Variants in FRK observed in about 807,000 individuals in gnomAD.
FRK encodes the protein fyn related Src family tyrosine kinase, also known as tyrosine-protein kinase FRK.
FRK carries 51 observed loss-of-function variants against 56.4 expected under a neutral mutation model. The ratio of observed to expected loss-of-function variants is 0.90; its 90% CI spans 0.72 to 1.14. FRK has a LOEUF of 1.14. Among genes scored for constraint, FRK ranks in the 50% most tolerant of loss-of-function variants. The probability of loss-of-function intolerance (pLI) is 0.00; values close to 1 mark genes in which losing one functional copy is unlikely to be tolerated. For missense variants in FRK, 570 were observed against 601.4 expected (o/e 0.95, Z 0.55); for synonymous variants, 245 against 217.9 (o/e 1.12, Z -1.10).
intron 2 of FRK, among the ~76,000 whole-genome samples, chr6:115,977,738 G>A (rs200417359): frequency 1.3e-5 from 2 of 152,102 alleles, no homozygotes; most frequent in East Asian, 3.9e-4. Context: ...TTGTGAGCCT[G>A]AACCATACAT....
chr6:116,081,431 C>T, the FRK span, among the ~76,000 whole-genome samples: 4 of 152,142 alleles, frequency 2.6e-5, no homozygotes, highest in Admixed American at 1.3e-4. Flanking sequence ...CCAAGGTGGG[C>T]GGATCACCTG....
At chr6:116,046,218 T>A (rs1484614542) in intron 1 of FRK, among the ~76,000 whole-genome samples, 3 of 152,164 alleles carry the variant, frequency 2.0e-5, no homozygotes, top group Non-Finnish European at 4.4e-5. Flanking sequence ...TGGAAGACAA[T>A]GTGGTGATTC....
the FRK span, among the ~76,000 whole-genome samples, chr6:116,068,592 A>G: frequency 6.6e-6 from 1 of 152,176 alleles, no homozygotes; most frequent in African/African-American, 2.4e-5. Flanking sequence ...CTTAATATCC[A>G]TAACTGTAGC....
the FRK span, chr6:116,100,716 G>A: frequency 1.7e-5 from 6 of 348,254 alleles, no homozygotes; most frequent in South Asian, 1.0e-4. Flanking sequence ...GACTCCGGGC[G>A]GCGCAGGACG....
At chr6:116,076,746 G>A in the FRK span, among the ~76,000 whole-genome samples, 1 of 152,132 alleles carries the variant, frequency 6.6e-6, no homozygotes, top group African/African-American at 2.4e-5. Context: ...CTGCACAAAT[G>A]GCCATGCAGA....
intron 1 of FRK, among the ~76,000 whole-genome samples, chr6:116,058,389 C>T (rs1356457733): frequency 6.6e-6 from 1 of 152,134 alleles, no homozygotes; most frequent in Non-Finnish European, 1.5e-5. Context: ...CCCTTCTAAA[C>T]ATTTATAGGT....
chr6:115,980,420 T>C (rs374681392), intron 2 of FRK, among the ~76,000 whole-genome samples: 1 of 151,858 alleles, frequency 6.6e-6, no homozygotes, highest in Non-Finnish European at 1.5e-5. Context: ...TGAGGATACA[T>C]CTGGCAGCTC....
chr6:115,984,639 A>G (rs1774323240), intron 2 of FRK, among the ~76,000 whole-genome samples: 1 of 151,610 alleles, frequency 6.6e-6, no homozygotes, highest in African/African-American at 2.4e-5. Context: ...CTGTTCCATG[A>G]GTTTTGATGT....
chr6:116,088,326 T>A, the FRK span, among the ~76,000 whole-genome samples: 3 of 151,764 alleles, frequency 2.0e-5, no homozygotes, highest in African/African-American at 7.3e-5. Flanking sequence ...CAAATAGTAA[T>A]AAAAAAAACA....
intron 1 of FRK, chr6:116,038,784 G>A: frequency 2.0e-6 from 1 of 496,964 alleles, no homozygotes; most frequent in Admixed American, 2.4e-5. Context: ...TTCGTTGGGG[G>A]GAACTGGAAG....
chr6:115,943,936 C>T (rs1408847631), intron 6 of FRK, among the ~76,000 whole-genome samples: 6 of 152,116 alleles, frequency 3.9e-5, no homozygotes, highest in Non-Finnish European at 7.4e-5. Context: ...AAGTGTACTG[C>T]TTTTGTAAAG....
At chr6:116,079,758 G>A in the FRK span, among the ~76,000 whole-genome samples, 1 of 152,072 alleles carries the variant, frequency 6.6e-6, no homozygotes, top group East Asian at 1.9e-4. Context: ...TTAATTTTTT[G>A]TAGAGACAGG....
the FRK span, among the ~76,000 whole-genome samples, chr6:116,095,434 A>G: frequency 2.0e-4 from 30 of 152,252 alleles, no homozygotes; most frequent in Non-Finnish European, 8.8e-5. Context: ...TTAATAGCAA[A>G]GAAAAATTAA....
At chr6:116,091,802 G>A in the FRK span, among the ~76,000 whole-genome samples, 2 of 152,160 alleles carry the variant, frequency 1.3e-5, no homozygotes, top group Admixed American at 1.3e-4. Flanking sequence ...GGTTTGCCTG[G>A]AACCAGCTTC....
the FRK span, among the ~76,000 whole-genome samples, chr6:116,067,485 G>A: frequency 1.3e-5 from 2 of 152,082 alleles, no homozygotes; most frequent in East Asian, 3.9e-4. Context: ...ACTAGAAAAT[G>A]TTCCAGTGAG....
Position 115,953,180 on chromosome 6 carries a change from A to ACTTTTTTTTTTTT in FRK, c.958+3271_958+3272insAAAAAAAAAAAAG, listed in dbSNP as rs34026302. On this transcript the variant is annotated intron_variant, in intron 5 of 7. Transcript: ENST00000606080. Reference sequence around the variant, plus strand: ...AGAGTGGTACATCCATTTTAAGGCCATTTTTTTTTTTTTTTTTTTTTTTTT... The same window carrying ACTTTTTTTTTTTT: ...AGAGTGGTACATCCATTTTAAGGCCACTTTTTTTTTTTTTTTTTTTTTTTTTTTTTTTTTTTTT... Among the ~76,000 whole-genome samples, 3 of 104,032 alleles carry ACTTTTTTTTTTTT rather than the reference A, an allele frequency of 2.9e-5. 1 individual carries two copies. The highest frequency in any genetic ancestry group is 3.7e-5 in the African/African-American group (1 of 27,214). The allele number at this position is 104,032 out of a possible 152,430, so 68.2% of individuals were successfully genotyped here. A position where few individuals can be genotyped will look rare whatever the true frequency, so the allele number is the denominator to read the frequency against.
intron 2 of FRK, among the ~76,000 whole-genome samples, chr6:115,999,187 A>C (rs1774953940): frequency 6.6e-6 from 1 of 152,244 alleles, no homozygotes; most frequent in South Asian, 2.1e-4. Flanking sequence ...ACCAGTTGAC[A>C]TGCAGTTAGA....
At chr6:116,042,778 G>T (rs1243423112) in intron 1 of FRK, among the ~76,000 whole-genome samples, 2 of 152,052 alleles carry the variant, frequency 1.3e-5, no homozygotes, top group Admixed American at 1.3e-4. Context: ...GCAACTAAAA[G>T]ACACAGACTG....
chr6:116,092,409 G>A, the FRK span, among the ~76,000 whole-genome samples: 10 of 152,072 alleles, frequency 6.6e-5, no homozygotes, highest in African/African-American at 2.4e-4. Context: ...ATCTTTATAG[G>A]ACAGTGGTAA....
Sources: gnomAD v4.1 joint callset for allele counts (sites outside exome capture counted in the v4.1 genomes callset) on GRCh38, gnomAD v4.1.1 for gene constraint, MANE v1.5 for transcripts, NCBI Gene and HGNC (gene_info 2026-07-23, HGNC 2026-07-21) for gene names.